C1orf21: variants seen among roughly 807,000 people sequenced by gnomAD.
The protein encoded by C1orf21 is uncharacterized protein C1orf21.
In C1orf21, 3 loss-of-function variants were observed where a neutral mutation model predicts 18.7. That is an observed-to-expected ratio of 0.16 (90% CI 0.07 to 0.42). C1orf21 has a LOEUF of 0.42. Among genes scored for constraint, C1orf21 ranks in the 10% least tolerant of loss-of-function variants. The pLI is 0.99. For missense variants in C1orf21, 104 were observed against 143.6 expected, an observed-to-expected ratio of 0.72 and a Z score of 1.41; for synonymous variants, 41 against 46.4, an observed-to-expected ratio of 0.88 and a Z score of 0.47.
intron 5 of C1orf21, among the ~76,000 whole-genome samples, chr1:184,608,807 A>C (rs1357717617): frequency 6.6e-6 from 1 of 152,174 alleles, no homozygotes; most frequent in African/African-American, 2.4e-5. Flanking sequence ...TCTGGGGTGC[A>C]TGCAGGTTGG....
At chr1:184,559,670 A>G (rs943366279) in intron 3 of C1orf21, among the ~76,000 whole-genome samples, 1 of 131,420 alleles carries the variant, frequency 7.6e-6, no homozygotes, top group Admixed American at 8.0e-5. Context: ...CACCCAGACT[A>G]AAGTGCAGTG....
intron 1 of C1orf21, among the ~76,000 whole-genome samples, chr1:184,475,762 T>C (rs1657561506): frequency 6.6e-6 from 1 of 151,626 alleles, no homozygotes; most frequent in Non-Finnish European, 1.5e-5. Flanking sequence ...TGTGTGTGTG[T>C]GTGTGTGTGT....
At chr1:184,543,382 G>T (rs1485772224) in intron 3 of C1orf21, among the ~76,000 whole-genome samples, 1 of 152,080 alleles carries the variant, frequency 6.6e-6, no homozygotes, top group African/African-American at 2.4e-5. Flanking sequence ...ATTGTAGCCT[G>T]GGAAAGTAAC....
At chr1:184,566,008 T>C (rs1409246346) in intron 3 of C1orf21, among the ~76,000 whole-genome samples, 1 of 151,956 alleles carries the variant, frequency 6.6e-6, no homozygotes, top group African/African-American at 2.4e-5. Context: ...AGGGGAAGCT[T>C]AGGGGAGGAT....
chr1:184,395,768 C>T (rs1656041599), intron 1 of C1orf21, among the ~76,000 whole-genome samples: 1 of 152,110 alleles, frequency 6.6e-6, no homozygotes, highest in South Asian at 2.1e-4. Context: ...TCCCTTTACT[C>T]TCAAAAGGAT....
At chr1:184,429,902 A>G (rs561129747) in intron 1 of C1orf21, among the ~76,000 whole-genome samples, 1 of 151,932 alleles carries the variant, frequency 6.6e-6, no homozygotes, top group Non-Finnish European at 1.5e-5. Context: ...AGGTCAGAAG[A>G]TCGAGACCAT....
At chr1:184,391,709 C>A (rs1209308749) in intron 1 of C1orf21, among the ~76,000 whole-genome samples, 1 of 151,538 alleles carries the variant, frequency 6.6e-6, no homozygotes, top group Non-Finnish European at 1.5e-5. Context: ...ATTGAAATTT[C>A]TTTCTTTCTT....
intron 3 of C1orf21, among the ~76,000 whole-genome samples, chr1:184,583,767 G>C (rs181669052): frequency 1.3e-4 from 20 of 152,282 alleles, no homozygotes; most frequent in African/African-American, 4.6e-4. Context: ...AGATGATTCT[G>C]ATTCAAGTGT....
intron 3 of C1orf21, among the ~76,000 whole-genome samples, chr1:184,563,099 T>G (rs759783385): frequency 1.2e-4 from 18 of 152,212 alleles, no homozygotes; most frequent in Non-Finnish European, 2.4e-4. Context: ...GAGCTAAGAT[T>G]TCCTGATTGC....
chr1:184,573,217 A>T (rs890524372), intron 3 of C1orf21, among the ~76,000 whole-genome samples: 4 of 152,196 alleles, frequency 2.6e-5, no homozygotes, highest in Admixed American at 6.5e-5. Context: ...TTACCCCGAG[A>T]TAACTTTCAT....
intron 5 of C1orf21, among the ~76,000 whole-genome samples, chr1:184,616,055 A>G (rs1358770969): frequency 6.6e-6 from 1 of 152,112 alleles, no homozygotes; most frequent in Non-Finnish European, 1.5e-5. Flanking sequence ...TCCCCTCTTC[A>G]TCCTTGCCCC....
rs1200554658 is a variant in C1orf21, at chr1:184,410,651, A to AT, written c.-125+23284dup. Among the ~76,000 whole-genome samples, 9 of 5,722 alleles carry AT rather than the reference A, an allele frequency of 1.6e-3. 2 individuals are homozygous for AT. In the African/African-American group the frequency reaches 0.037, roughly 24 times the overall value. The allele number at this position is 5,722 out of a possible 152,430, so 3.8% of individuals were successfully genotyped here. On this transcript the variant is annotated intron_variant, in intron 1 of 5. Coordinates refer to ENST00000235307, the MANE Select transcript of C1orf21 (RefSeq NM_030806.4). ...TATATATATATATATATATATATAT[A>AT]TATATATATATATTTTTTTTTTTTT...
intron 1 of C1orf21, among the ~76,000 whole-genome samples, chr1:184,449,523 T>C (rs1432514757): frequency 6.6e-6 from 1 of 152,158 alleles, no homozygotes; most frequent in Non-Finnish European, 1.5e-5. Flanking sequence ...TGTGCATGTG[T>C]CTTTATAGCA....
chr1:184,486,361 A>G (rs574850932), intron 2 of C1orf21, among the ~76,000 whole-genome samples: 5 of 152,316 alleles, frequency 3.3e-5, no homozygotes, highest in African/African-American at 1.2e-4. Flanking sequence ...TTTTGGATTT[A>G]TAACTTAGCT....
At chr1:184,390,065 G>A (rs1655947917) in intron 1 of C1orf21, among the ~76,000 whole-genome samples, 4 of 152,300 alleles carry the variant, frequency 2.6e-5, no homozygotes, top group African/African-American at 9.6e-5. Context: ...CAGTAATTCC[G>A]GAGGGAGATT....
intron 2 of C1orf21, among the ~76,000 whole-genome samples, chr1:184,502,764 A>T (rs1279275038): frequency 6.6e-6 from 1 of 152,126 alleles, no homozygotes; most frequent in Non-Finnish European, 1.5e-5. Flanking sequence ...ACTTTTAACA[A>T]ATCATATTTT....
intron 1 of C1orf21, among the ~76,000 whole-genome samples, chr1:184,446,840 A>G (rs1259654929): frequency 7.4e-6 from 1 of 134,860 alleles, no homozygotes; most frequent in Non-Finnish European, 1.6e-5. Context: ...TATGGTTATG[A>G]TTTTTTCGTG....
At chr1:184,469,579 C>G (rs1187141730) in intron 1 of C1orf21, among the ~76,000 whole-genome samples, 1 of 152,212 alleles carries the variant, frequency 6.6e-6, no homozygotes, top group Non-Finnish European at 1.5e-5. Context: ...CTGCAGGTTT[C>G]TGAGAGATTA....
At chr1:184,575,910 G>A (rs1659183053) in intron 3 of C1orf21, among the ~76,000 whole-genome samples, 1 of 151,990 alleles carries the variant, frequency 6.6e-6, no homozygotes, top group Non-Finnish European at 1.5e-5. Flanking sequence ...TGCCTGTTGG[G>A]CCACAGAGGT....
Sources: gnomAD v4.1 joint callset for allele counts (sites outside exome capture counted in the v4.1 genomes callset) on GRCh38, gnomAD v4.1.1 for gene constraint, MANE v1.5 for transcripts, NCBI Gene and HGNC (gene_info 2026-07-23, HGNC 2026-07-21) for gene names.